RORA: variants seen among roughly 807,000 people sequenced by gnomAD.
RORA encodes the protein nuclear receptor ROR-alpha.
Under a neutral mutation model 69.5 loss-of-function variants are expected in RORA, and 7 were observed. The observed-to-expected ratio is 0.10, with a 90% CI of 0.06 to 0.19. The LOEUF is 0.19. Ranked by LOEUF, RORA falls within the 10% of genes least tolerant of loss-of-function variation. The pLI is 1.00. For synonymous variants in RORA, 261 were observed against 240.8 expected (o/e 1.08, Z -0.78); for missense variants, 457 against 663.0 (o/e 0.69, Z 3.41).
At chr15:60,660,813 T>TAG (rs1392138351) in intron 2 of RORA, among the ~76,000 whole-genome samples, 1 of 152,124 alleles carries the variant, frequency 6.6e-6, no homozygotes, top group Non-Finnish European at 1.5e-5. Context: ...GGTATCAAGA[T>TAG]CTCAAGATGT....
intron 2 of RORA, among the ~76,000 whole-genome samples, chr15:60,588,533 C>A (rs539761916): frequency 6.6e-6 from 1 of 152,220 alleles, no homozygotes; most frequent in East Asian, 1.9e-4. Flanking sequence ...TTCCTAGATA[C>A]CCCAGAGCAA....
chr15:60,804,130 A>G (rs994081898), intron 1 of RORA, among the ~76,000 whole-genome samples: 1 of 151,930 alleles, frequency 6.6e-6, no homozygotes, highest in Non-Finnish European at 1.5e-5. Context: ...CTCTACTAAA[A>G]ATACAAAATT....
In RORA at chr15:61,176,985, C is replaced by T. The variant is rs141827299; in HGVS notation, c.166+52068G>A. ...TTATTGAATGCCTGCTCTCATAGGT[C>T]GGGGGAAGGGGATGGCAAAGAGGAA... is the stretch of plus-strand genomic sequence containing the variant. On this transcript the variant is annotated intron_variant, in intron 1 of 10. Transcript: ENST00000335670. Among the ~76,000 whole-genome samples the T allele has an allele frequency of 2.3e-4, 35 of 152,136 alleles. No individual in the cohort carries two copies. The East Asian group carries it at 6.6e-3, about 29-fold the overall frequency.
In RORA at chr15:60,690,197, A is replaced by G. The variant is rs1445476597; in HGVS notation, c.167-11511T>C. On this transcript the variant is annotated intron_variant, in intron 1 of 10. Coordinates refer to ENST00000335670, the MANE Select transcript of RORA (RefSeq NM_134261.3). ...ATCCATTCTCCCATTCCTCCAGGGC[A>G]GTCAAGTTTTAGATGGACACATAGC... is the stretch of plus-strand genomic sequence containing the variant. Among the ~76,000 whole-genome samples, 3 of 152,204 alleles carry G rather than the reference A, an allele frequency of 2.0e-5. No homozygotes were observed. The East Asian group carries it at 5.8e-4, about 29-fold the overall frequency.
At chr15:60,640,290 G>C (rs1015431013) in intron 2 of RORA, among the ~76,000 whole-genome samples, 2 of 152,052 alleles carry the variant, frequency 1.3e-5, no homozygotes, top group East Asian at 3.9e-4. Context: ...AGTCCTATTG[G>C]TTCTACCTCC....
At chr15:60,769,014 G>A (rs892955528) in intron 1 of RORA, among the ~76,000 whole-genome samples, 6 of 152,196 alleles carry the variant, frequency 3.9e-5, no homozygotes, top group South Asian at 2.1e-4. Flanking sequence ...GTGAAACTTC[G>A]GTCAACATCC....
At chr15:60,569,056 T>C (rs1231343932) in intron 2 of RORA, among the ~76,000 whole-genome samples, 1 of 151,992 alleles carries the variant, frequency 6.6e-6, no homozygotes, top group Non-Finnish European at 1.5e-5. Flanking sequence ...CACACCTCTA[T>C]CTTCTGGCAT....
At chr15:60,788,271 A>ACAT (rs1467901447) in intron 1 of RORA, among the ~76,000 whole-genome samples, 1 of 152,218 alleles carries the variant, frequency 6.6e-6, no homozygotes, top group East Asian at 1.9e-4. Flanking sequence ...TGCACAAGAC[A>ACAT]CATCTCTGAC....
intron 1 of RORA, among the ~76,000 whole-genome samples, chr15:60,903,945 C>T (rs919038354): frequency 2.0e-5 from 3 of 152,144 alleles, no homozygotes; most frequent in Non-Finnish European, 2.9e-5. Context: ...TATAAAGTAT[C>T]TTGTTTGCTT....
At chr15:61,015,584 G>T (rs991668532) in intron 1 of RORA, among the ~76,000 whole-genome samples, 1 of 152,064 alleles carries the variant, frequency 6.6e-6, no homozygotes, top group South Asian at 2.1e-4. Flanking sequence ...TGTAGAAGAC[G>T]CTGTATTGAG....
At chr15:60,954,373 C>T (rs1452267047) in intron 1 of RORA, among the ~76,000 whole-genome samples, 1 of 147,420 alleles carries the variant, frequency 6.8e-6, no homozygotes, top group Non-Finnish European at 1.5e-5. Flanking sequence ...AGCGCACCAG[C>T]ATGGCACATA....
At chr15:60,742,367 T>C (rs2071585832) in intron 1 of RORA, among the ~76,000 whole-genome samples, 2 of 152,222 alleles carry the variant, frequency 1.3e-5, no homozygotes, top group Non-Finnish European at 2.9e-5. Context: ...CTTTTCTTTA[T>C]CTGAGAGGTA....
intron 1 of RORA, among the ~76,000 whole-genome samples, chr15:61,073,222 C>A (rs1293416835): frequency 6.6e-6 from 1 of 152,200 alleles, no homozygotes; most frequent in Admixed American, 6.5e-5. Flanking sequence ...GATTCGTAAG[C>A]CAAAGGCTTT....
chr15:60,836,928 C>T (rs555085797), intron 1 of RORA, among the ~76,000 whole-genome samples: 2 of 152,290 alleles, frequency 1.3e-5, no homozygotes, highest in African/African-American at 4.8e-5. Flanking sequence ...ACATTGCAGC[C>T]AGCAATGCTT....
At chr15:60,545,521 C>G (rs1055450290) in intron 2 of RORA, among the ~76,000 whole-genome samples, 5 of 152,160 alleles carry the variant, frequency 3.3e-5, no homozygotes, top group African/African-American at 1.2e-4. Context: ...GAACTTAACA[C>G]TGTCAGTAGC....
At chr15:61,039,698 T>C (rs1021893613) in intron 1 of RORA, among the ~76,000 whole-genome samples, 1 of 147,708 alleles carries the variant, frequency 6.8e-6, no homozygotes, top group East Asian at 2.0e-4. Context: ...TGAGCCAAGA[T>C]TGCACCACTG....
At chr15:60,544,902 G>C (rs796228535) in intron 2 of RORA, 6 of 152,366 alleles carry the variant, frequency 3.9e-5, no homozygotes, top group African/African-American at 1.4e-4. Context: ...GACAGTCCAA[G>C]GCCAAGTCAA....
chr15:60,841,667 C>T (rs2073199951), intron 1 of RORA, among the ~76,000 whole-genome samples: 2 of 152,320 alleles, frequency 1.3e-5, no homozygotes, highest in Admixed American at 6.5e-5. Context: ...TCGAAGGCCA[C>T]AAGTGGACAG....
chr15:60,701,948 C>T (rs1461653708), intron 1 of RORA, among the ~76,000 whole-genome samples: 1 of 152,176 alleles, frequency 6.6e-6, no homozygotes, highest in African/African-American at 2.4e-5. Context: ...CTCTTAGACC[C>T]TCCCGAGGAA....
Sources: gnomAD v4.1 joint callset for allele counts (sites outside exome capture counted in the v4.1 genomes callset) on GRCh38, gnomAD v4.1.1 for gene constraint, MANE v1.5 for transcripts, NCBI Gene and HGNC (gene_info 2026-07-23, HGNC 2026-07-21) for gene names.